The following EML6 variants were observed in gnomAD, a reference collection of about 807,000 sequenced individuals.
EML6 encodes EMAP like 6, also known as echinoderm microtubule-associated protein-like 6.
Under a neutral mutation model 240.1 loss-of-function variants are expected in EML6, and 154 were observed. The ratio of observed to expected loss-of-function variants is 0.64; its 90% CI spans 0.56 to 0.73. The LOEUF (loss-of-function observed/expected upper bound fraction) is 0.73, where lower values mean the gene tolerates loss of function less well. EML6 is among the 30% of genes least tolerant of loss of function. EML6 has a pLI of 0.00. For synonymous variants in EML6, 1,148 were observed against 899.0 expected, an observed-to-expected ratio of 1.28 and a Z score of -4.95; for missense variants, 2,964 against 2,474.6, an observed-to-expected ratio of 1.20 and a Z score of -4.20.
At chr2:54,828,829 T>C (rs1024284121) in intron 6 of EML6, among the ~76,000 whole-genome samples, 1 of 152,382 alleles carries the variant, frequency 6.6e-6, no homozygotes, top group East Asian at 1.9e-4. Flanking sequence ...CTTCAAACGA[T>C]GCTTAACAAG....
chr2:54,844,058 C>T lies in EML6; in HGVS notation c.859C>T (p.Arg287Trp), dbSNP rs1271262535. Residue 287 changes from arginine (R) to tryptophan (W), a missense_variant, in exon 8 of 42, where the codon CGG (arginine) becomes TGG (tryptophan). Transcript: ENST00000356458. ...TEQGYKGLSIRSVCWKADRLL... is the reference protein window; with the variant it reads ...TEQGYKGLSIWSVCWKADRLL... ...CTTATTTTTGTCAGGCCTCTCTATC[C>T]GGAGCGTGTGCTGGAAAGCAGACCG... 1.6e-5 allele frequency: 24 copies of T among 1,543,964 alleles called. No homozygotes were observed. Among genetic ancestry groups the T allele is most frequent in the Non-Finnish European group, 1.8e-5 (21 of 1,143,406 alleles).
chr2:54,910,994 T>A lies in EML6; in HGVS notation c.3450T>A (p.Leu1150=). The change falls in exon 25 of 42, where the codon CTT becomes CTA. Residue 1150 remains leucine (L), a synonymous_variant. Coordinates refer to ENST00000356458, the MANE Select transcript of EML6 (RefSeq NM_001039753.4). ...TGAATTCAGGTGCCAGAGAACAACT[T>A]TTTTTTGAAGCTCCAAGAGGCAAAC... ...LQVNSGAREQ[L]FFEAPRGKRH... The A allele has an allele frequency of 6.5e-7, 1 of 1,541,152 alleles. No homozygotes were observed. Among genetic ancestry groups the A allele is most frequent in the Admixed American group, 2.0e-5 (1 of 50,962 alleles).
At chr2:54,871,736 A>C (rs1671269978) in intron 16 of EML6, 131 bp downstream of exon 16, 14 of 697,176 alleles carry the variant, frequency 2.0e-5, no homozygotes, top group Non-Finnish European at 3.1e-5. Context: ...TTCTGTTTGT[A>C]TTGAAGTACA....
At position 54,809,270 on chromosome 2, in the gene EML6, G is replaced by A. The variant is rs182699614; in HGVS notation, c.198-3962G>A. ...GCAGATAGACTTAAAATAGAGATAA[G>A]TAGTGTCCATACTTCCAGTCATAAC... On this transcript the variant is annotated intron_variant, in intron 2 of 41. Coordinates refer to ENST00000356458, the MANE Select transcript of EML6 (RefSeq NM_001039753.4). Among the ~76,000 whole-genome samples the A allele has an allele frequency of 2.4e-3, 361 of 152,324 alleles. 7 individuals carry two copies. The highest frequency in any genetic ancestry group is 2.9e-3 in the Non-Finnish European group (195 of 68,032).
At chr2:54,824,931 A>G (rs2104142508) in intron 5 of EML6, among the ~76,000 whole-genome samples, 1 of 152,342 alleles carries the variant, frequency 6.6e-6, no homozygotes. Flanking sequence ...CCAAGTAGGA[A>G]ATGCTTCTCA....
At chr2:54,846,923 A>ATTTTTTTTTTATT (rs1669791599) in intron 8 of EML6, among the ~76,000 whole-genome samples, 1 of 129,912 alleles carries the variant, frequency 7.7e-6, no homozygotes, top group Non-Finnish European at 1.6e-5. Context: ...ATGAAGTAGT[A>ATTTTTTTTTTATT]TTTTTTTTTT....
chr2:54,968,072 C>T, intron 39 of EML6, 56 bp from the exon 40 acceptor site: 1 of 1,515,558 alleles, frequency 6.6e-7, no homozygotes, highest in South Asian at 1.2e-5. Flanking sequence ...TGACTGACTG[C>T]AAGGAGCCTT....
intron 5 of EML6, among the ~76,000 whole-genome samples, chr2:54,821,834 T>C (rs768521487): frequency 6.6e-6 from 1 of 152,076 alleles, no homozygotes; most frequent in Non-Finnish European, 1.5e-5. Flanking sequence ...ATTAAAGAGG[T>C]AAGTTTCAAA....
chr2:54,725,427 T>C lies in EML6; in HGVS notation c.197+169T>C, dbSNP rs1312844678. Among the ~76,000 whole-genome samples the C allele has an allele frequency of 6.6e-6, 1 of 151,996 alleles. No homozygotes were observed. Reference sequence around the variant, plus strand: ...GATTCTAGGGCCAGGGCAGAAACAGTGTGGGGAGTGTAGGTGAGGAGGGAG... The same window carrying C: ...GATTCTAGGGCCAGGGCAGAAACAGCGTGGGGAGTGTAGGTGAGGAGGGAG... On this transcript the variant is annotated intron_variant, in intron 2 of 41. Coordinates refer to ENST00000356458, the MANE Select transcript of EML6 (RefSeq NM_001039753.4). This position sits in a 1 kb window ranked among gnomAD's most constrained non-coding sequence, Gnocchi z 4.3.
intron 2 of EML6, among the ~76,000 whole-genome samples, chr2:54,809,865 C>T (rs950673858): frequency 1.3e-5 from 2 of 151,992 alleles, no homozygotes; most frequent in Non-Finnish European, 2.9e-5. Context: ...TTGGCTGTGC[C>T]CTGGATGAGA....
At chr2:54,946,475 A>G (rs1022226354) in intron 28 of EML6, among the ~76,000 whole-genome samples, 3 of 152,188 alleles carry the variant, frequency 2.0e-5, no homozygotes, top group African/African-American at 7.2e-5. Context: ...TCAGAGTCCC[A>G]TTTCTGATGG....
At chr2:54,789,543 A>AG (rs1669307819) in intron 2 of EML6, among the ~76,000 whole-genome samples, 1 of 145,652 alleles carries the variant, frequency 6.9e-6, no homozygotes, top group African/African-American at 2.6e-5. Context: ...AAAAAAAAAA[A>AG]AAAAAGAAAA....
At chr2:54,857,252 G>C (rs950009658) in intron 11 of EML6, among the ~76,000 whole-genome samples, 3 of 152,296 alleles carry the variant, frequency 2.0e-5, no homozygotes, top group African/African-American at 7.2e-5. Flanking sequence ...GTCAGGGCTG[G>C]AGATGTGCAC....
chr2:54,869,393 C>A, intron 15 of EML6, 26 bp downstream of exon 15: 2 of 1,469,968 alleles, frequency 1.4e-6, no homozygotes, highest in Non-Finnish European at 9.1e-7. Flanking sequence ...AAACTAGGGC[C>A]TAGCCAAAAA....
In EML6 at chr2:54,957,957, G is replaced by A. The variant is rs1279368007; in HGVS notation, c.4654G>A (p.Ala1552Thr). The A allele has an allele frequency of 2.6e-6, 4 of 1,551,578 alleles. No homozygotes were observed. The highest frequency in any genetic ancestry group is 3.5e-6 in the Non-Finnish European group (4 of 1,146,920). Residue 1552 changes from alanine to threonine, a missense_variant, in exon 33 of 42, where the codon GCT (alanine) becomes ACT (threonine). Transcript: ENST00000356458. ...YKKGVIGSLG[A>T]AKMQTMLSVA... is the part of the protein sequence containing the mutation. ...GAAAGGGGTCATCGGGTCCCTGGGAGCTGCCAAAATGCAGACGATGCTCTC... is the reference window on the plus strand; with the variant it reads ...GAAAGGGGTCATCGGGTCCCTGGGAACTGCCAAAATGCAGACGATGCTCTC...
chr2:54,954,909 G>A lies in EML6; in HGVS notation c.4486+753G>A, dbSNP rs142916679. Among the ~76,000 whole-genome samples the A allele has an allele frequency of 1.6e-3, 251 of 152,334 alleles. 1 individual carries two copies. The highest frequency in any genetic ancestry group is 5.7e-3 in the African/African-American group (239 of 41,574). On this transcript the variant is annotated intron_variant, in intron 32 of 41. Coordinates refer to ENST00000356458, the MANE Select transcript of EML6 (RefSeq NM_001039753.4). ...CTGGGACACGCTCTACCAGGCAAGC[G>A]CAGAGGTGTCACTTCTCCCATCCAG... is the stretch of plus-strand genomic sequence containing the variant.
intron 2 of EML6, among the ~76,000 whole-genome samples, chr2:54,804,653 C>CTT (rs1670372702): frequency 6.6e-6 from 1 of 152,160 alleles, no homozygotes; most frequent in Non-Finnish European, 1.5e-5. Context: ...TTGTTTTAAT[C>CTT]TTTGTATTTG....
At chr2:54,867,146 G>C (rs1671015981) in intron 14 of EML6, 1 of 275,188 alleles carries the variant, frequency 3.6e-6, no homozygotes, top group African/African-American at 2.2e-5. Flanking sequence ...GACTTAAAGG[G>C]TGCTGCTGCT....
At chr2:54,969,292 C>A (rs1247974114) in intron 41 of EML6, among the ~76,000 whole-genome samples, 4 of 152,176 alleles carry the variant, frequency 2.6e-5, no homozygotes, top group Non-Finnish European at 4.4e-5. Context: ...ATACTGGGTT[C>A]TATTCAGCCC....
Sources: allele counts gnomAD v4.1 joint callset (sites outside exome capture counted in the v4.1 genomes callset), GRCh38; gene constraint gnomAD v4.1.1; non-coding constraint Gnocchi (gnomAD v3.1); transcripts MANE v1.5; gene names NCBI Gene and HGNC (gene_info 2026-07-23, HGNC 2026-07-21).